The following KCNMA1 variants were observed in gnomAD, a reference collection of about 807,000 sequenced individuals.
KCNMA1 encodes potassium calcium-activated channel subfamily M alpha 1.
A neutral mutation model predicts 140.0 loss-of-function variants in KCNMA1; 29 were observed. That is an observed-to-expected ratio of 0.21 (90% CI 0.15 to 0.28). The LOEUF (loss-of-function observed/expected upper bound fraction) is 0.28, where lower values mean the gene tolerates loss of function less well. Ranked by LOEUF, KCNMA1 falls within the 10% of genes least tolerant of loss-of-function variation. The probability of loss-of-function intolerance (pLI) is 1.00; values close to 1 mark genes in which losing one functional copy is unlikely to be tolerated. For synonymous variants in KCNMA1, 612 were observed against 611.9 expected, an observed-to-expected ratio of 1.00 and a Z score of 0.00; for missense variants, 880 against 1,602.2, an observed-to-expected ratio of 0.55 and a Z score of 7.70.
intron 1 of KCNMA1, among the ~76,000 whole-genome samples, chr10:77,602,496 C>T (rs144146741): frequency 1.1e-3 from 175 of 152,250 alleles, no homozygotes; most frequent in African/African-American, 3.9e-3. Flanking sequence ...AATGATTGCA[C>T]AACTCTCTGT....
intron 1 of KCNMA1, among the ~76,000 whole-genome samples, chr10:77,417,050 C>T (rs1055031205): frequency 1.3e-5 from 2 of 152,182 alleles, no homozygotes; most frequent in Non-Finnish European, 2.9e-5. Context: ...GTCCTCCTGA[C>T]TGCCACACCT....
intron 2 of KCNMA1, among the ~76,000 whole-genome samples, chr10:77,364,580 C>T (rs1031418835): frequency 6.6e-6 from 1 of 152,038 alleles, no homozygotes; most frequent in Non-Finnish European, 1.5e-5. Flanking sequence ...ATGAGTGAAC[C>T]CTGACCCCAA....
At chr10:77,623,640 T>C (rs2091938397) in intron 1 of KCNMA1, among the ~76,000 whole-genome samples, 1 of 151,038 alleles carries the variant, frequency 6.6e-6, no homozygotes, top group South Asian at 2.1e-4. Flanking sequence ...GAGACAAAGG[T>C]TGAGGTGAGC....
intron 2 of KCNMA1, among the ~76,000 whole-genome samples, chr10:77,329,376 T>A (rs555169256): frequency 6.6e-5 from 10 of 152,148 alleles, no homozygotes; most frequent in South Asian, 4.1e-4. Context: ...ATGAGAAGGA[T>A]CTCTCATGAA....
chr10:77,418,689 G>A (rs1181308186), intron 1 of KCNMA1, among the ~76,000 whole-genome samples: 2 of 152,144 alleles, frequency 1.3e-5, no homozygotes, highest in African/African-American at 2.4e-5. Flanking sequence ...AAAAGGACTT[G>A]CCCACACACT....
chr10:77,506,912 G>C (rs1267887946), intron 1 of KCNMA1, among the ~76,000 whole-genome samples: 2 of 151,902 alleles, frequency 1.3e-5, no homozygotes, highest in African/African-American at 2.4e-5. Context: ...TATGAAGAGA[G>C]AGAGTAAAAG....
intron 3 of KCNMA1, among the ~76,000 whole-genome samples, chr10:77,196,682 A>G (rs2040603125): frequency 1.3e-5 from 2 of 152,178 alleles, no homozygotes; most frequent in Non-Finnish European, 2.9e-5. Flanking sequence ...ATAAGATAAG[A>G]AGCATTCGGC....
intron 2 of KCNMA1, among the ~76,000 whole-genome samples, chr10:77,285,905 C>T (rs2070660253): frequency 1.3e-5 from 2 of 152,194 alleles, no homozygotes; most frequent in Admixed American, 6.5e-5. Context: ...ACTTACTTAG[C>T]ACAGTGCCTC....
intron 15 of KCNMA1, among the ~76,000 whole-genome samples, chr10:77,030,404 A>G (rs1466073919): frequency 2.0e-5 from 3 of 152,224 alleles, no homozygotes. Flanking sequence ...TGTTTATTGA[A>G]CCAAATTACC....
intron 1 of KCNMA1, among the ~76,000 whole-genome samples, chr10:77,585,363 G>A (rs1318250693): frequency 6.6e-6 from 1 of 152,146 alleles, no homozygotes; most frequent in Non-Finnish European, 1.5e-5. Context: ...GATTTCACCA[G>A]GCCGTTGTCG....
At chr10:77,175,972 A>G (rs1212214146) in intron 5 of KCNMA1, among the ~76,000 whole-genome samples, 1 of 152,232 alleles carries the variant, frequency 6.6e-6, no homozygotes, top group Non-Finnish European at 1.5e-5. Context: ...ACCAGGCCAC[A>G]GCTTTCATTC....
chr10:77,322,261 G>C (rs2082570733), intron 2 of KCNMA1, among the ~76,000 whole-genome samples: 1 of 152,208 alleles, frequency 6.6e-6, no homozygotes, highest in Non-Finnish European at 1.5e-5. Flanking sequence ...AAGCATGGGA[G>C]AGTCCACAAG....
At chr10:76,995,783 C>G in intron 19 of KCNMA1, 1 of 429,908 alleles carries the variant, frequency 2.3e-6, no homozygotes, top group South Asian at 1.7e-5. Context: ...TTACATGAGG[C>G]ATGCCAACAT....
intron 23 of KCNMA1, among the ~76,000 whole-genome samples, chr10:76,930,948 G>A (rs1184657505): frequency 2.0e-5 from 3 of 152,142 alleles, no homozygotes; most frequent in Non-Finnish European, 4.4e-5. Context: ...TGAACTCATA[G>A]AAGCAGAAAG....
chr10:77,349,721 A>G (rs2092637948), intron 2 of KCNMA1, among the ~76,000 whole-genome samples: 1 of 152,238 alleles, frequency 6.6e-6, no homozygotes, highest in African/African-American at 2.4e-5. Context: ...AGGTTAGAAT[A>G]AGAGCAATGG....
chr10:77,414,397 C>T (rs925720840), intron 1 of KCNMA1, among the ~76,000 whole-genome samples: 1 of 152,186 alleles, frequency 6.6e-6, no homozygotes, highest in Non-Finnish European at 1.5e-5. Context: ...GATCACTGAT[C>T]CCCTCTTACA....
chr10:77,271,654 C>G (rs893575953), intron 2 of KCNMA1, among the ~76,000 whole-genome samples: 4 of 152,186 alleles, frequency 2.6e-5, no homozygotes, highest in Non-Finnish European at 5.9e-5. Context: ...AAATAAATCC[C>G]CAGTTCAATG....
chr10:77,026,703 T>C (rs923059809), intron 16 of KCNMA1, among the ~76,000 whole-genome samples: 2 of 152,098 alleles, frequency 1.3e-5, no homozygotes, highest in South Asian at 2.1e-4. Context: ...TTTGATCAGA[T>C]TGACTTTGTG....
intron 3 of KCNMA1, among the ~76,000 whole-genome samples, chr10:77,243,998 T>A (rs996322049): frequency 1.3e-5 from 2 of 152,230 alleles, no homozygotes; most frequent in African/African-American, 4.8e-5. Context: ...TTCTTTCCCA[T>A]GGCCCTAAAG....
Sources: gnomAD v4.1 joint callset for allele counts (sites outside exome capture counted in the v4.1 genomes callset) on GRCh38, gnomAD v4.1.1 for gene constraint, MANE v1.5 for transcripts, NCBI Gene and HGNC (gene_info 2026-07-23, HGNC 2026-07-21) for gene names.